Variants in ZNF726 observed in about 807,000 individuals in gnomAD.
The protein encoded by ZNF726 is zinc finger protein 92 pseudogene 3.
Under a neutral mutation model 11.6 loss-of-function variants are expected in ZNF726, and 15 were observed. The observed-to-expected ratio is 1.29, with a 90% confidence interval of 0.86 to 1.99. The LOEUF (loss-of-function observed/expected upper bound fraction) is 1.99. Ranked by LOEUF, ZNF726 falls within the 30% of genes most tolerant of loss-of-function variation. The pLI is 0.00. For missense variants in ZNF726, 890 were observed against 725.6 expected (o/e 1.23, Z -2.60); for synonymous variants, 295 against 243.6 (o/e 1.21, Z -1.96).
At chr19:23,935,001 ACACCATAG>A (rs1968203638), downstream of ZNF726, among the ~76,000 whole-genome samples, 1 of 152,246 alleles carries the variant, frequency 6.6e-6, no homozygotes, top group Non-Finnish European at 1.5e-5. Context: ...GGAATTTCAG[ACACCATAG>A]CATGGGTGAG....
At position 23,920,064 on chromosome 19, in the gene ZNF726, A is replaced by G. The variant is rs1967804594; in HGVS notation, c.208A>G (p.Met70Val). ...KEPWNMKRDE[M>V]VDEPPGICPH... ...GCCCTGGAATATGAAGCGAGATGAGATGGTGGATGAACCCCCAGGTAGGTG... is the reference window on the plus strand; with the variant it reads ...GCCCTGGAATATGAAGCGAGATGAGGTGGTGGATGAACCCCCAGGTAGGTG... Residue 70 changes from methionine (M) to valine (V), a missense_variant, in exon 3 of 4, where the codon ATG becomes GTG. Transcript: ENST00000594466. 1.3e-6 allele frequency: 2 copies of G among 1,584,658 alleles called. No homozygotes were observed. Among genetic ancestry groups the G allele is most frequent in the Non-Finnish European group, 1.7e-6 (2 of 1,162,706 alleles).
chr19:23,937,773 C>T (rs1302627016), downstream of ZNF726, among the ~76,000 whole-genome samples: 1 of 152,206 alleles, frequency 6.6e-6, no homozygotes, highest in Non-Finnish European at 1.5e-5. Flanking sequence ...AATCTCGGCA[C>T]TTTGGGAGGC....
rs1437274490 is a variant in ZNF726, at chr19:23,918,059, G to A, written c.4-1314G>A. On this transcript the variant is annotated intron_variant, in intron 1 of 3. Coordinates refer to ENST00000594466, the MANE Select transcript of ZNF726 (RefSeq NM_001244038.2). ...GCTAACTTGAAAAGTGCAGGAATGC[G>A]GTTATACCTGTGGCAAGGCAGGAAG... Among the ~76,000 whole-genome samples, 4 of 152,114 alleles carry A rather than the reference G, an allele frequency of 2.6e-5. No homozygotes were observed. In the East Asian group the frequency reaches 5.8e-4, roughly 22 times the overall value.
Position 23,933,612 on chromosome 19 carries a change from A to G in ZNF726, c.1496A>G (p.His499Arg). ...AGCCAGTCCTCAACCCTTACTGCAC[A>G]TAAGATAATTCATACTGGAGAGAAA... is the stretch of plus-strand genomic sequence containing the variant. ...AFSQSSTLTAHKIIHTGEKPY... is the reference protein window; with the variant it reads ...AFSQSSTLTARKIIHTGEKPY... Residue 499 changes from histidine to arginine, a missense_variant, in exon 4 of 4, where the codon CAT (histidine) becomes CGT (arginine). Physicochemically the swap from His to Arg is conservative, Grantham distance 29. Coordinates refer to ENST00000594466, the MANE Select transcript of ZNF726 (RefSeq NM_001244038.2). 1.2e-6 allele frequency: 2 copies of G among 1,611,974 alleles called. No homozygotes were observed. The highest frequency in any genetic ancestry group is 1.7e-6 in the Non-Finnish European group (2 of 1,179,304).
At chr19:23,917,735 T>C (rs551608922) in intron 1 of ZNF726, among the ~76,000 whole-genome samples, 3 of 152,360 alleles carry the variant, frequency 2.0e-5, no homozygotes, top group Admixed American at 2.0e-4. Flanking sequence ...TACATAGTTT[T>C]GCTTTTCTTA....
At chr19:23,916,833 C>T (rs1390310253) in intron 1 of ZNF726, among the ~76,000 whole-genome samples, 5 of 150,784 alleles carry the variant, frequency 3.3e-5, no homozygotes, top group Non-Finnish European at 5.9e-5. Context: ...CATAGGGTGA[C>T]GTATCTTCAG....
chr19:23,939,506 A>T (rs549975163), intron 3 of ZNF726, among the ~76,000 whole-genome samples: 2 of 152,234 alleles, frequency 1.3e-5, no homozygotes, highest in Non-Finnish European at 2.9e-5. Flanking sequence ...CTATATTTCA[A>T]ATAATGACTT....
At chr19:23,915,654 C>T (rs1366625756) in intron 1 of ZNF726, among the ~76,000 whole-genome samples, 1 of 151,862 alleles carries the variant, frequency 6.6e-6, no homozygotes, top group Non-Finnish European at 1.5e-5. Context: ...GATCTCGGCT[C>T]ACTGCAACCT....
At chr19:23,923,368 AT>A in intron 3 of ZNF726, 1 of 396,412 alleles carries the variant, frequency 2.5e-6, no homozygotes, top group Non-Finnish European at 4.9e-6. Flanking sequence ...ATTGTACTGC[AT>A]TTTCTCTGAA....
chr19:23,940,488 T>C (rs1365979904), intron 3 of ZNF726, among the ~76,000 whole-genome samples: 1 of 152,092 alleles, frequency 6.6e-6, no homozygotes, highest in African/African-American at 2.4e-5. Context: ...ATGTGGGCTC[T>C]ATATGAATGT....
chr19:23,933,123 G>A lies in ZNF726; in HGVS notation c.1007G>A (p.Ser336Asn). The A allele has an allele frequency of 6.2e-7, 1 of 1,609,716 alleles. No individual in the cohort carries two copies. Among genetic ancestry groups the A allele is most frequent in the Non-Finnish European group, 8.5e-7 (1 of 1,179,394 alleles). Residue 336 changes from serine (S) to asparagine (N), a missense_variant, in exon 4 of 4, where the codon AGT becomes AAT. Transcript: ENST00000594466. Reference protein sequence around the residue: ...STLTRHKRLHSGEKPYKCEEC... With the variant: ...STLTRHKRLHNGEKPYKCEEC... ...CTAACTAGACATAAGAGGCTGCACAGTGGAGAGAAACCCTACAAATGTGAA... is the reference window on the plus strand; with the variant it reads ...CTAACTAGACATAAGAGGCTGCACAATGGAGAGAAACCCTACAAATGTGAA...
At chr19:23,937,751 G>A (rs1257099617), downstream of ZNF726, among the ~76,000 whole-genome samples, 2 of 152,190 alleles carry the variant, frequency 1.3e-5, no homozygotes, top group Non-Finnish European at 2.9e-5. Flanking sequence ...GTGGTGGCCG[G>A]GCAGAGGCTG....
rs747918023 is a variant in ZNF726, at chr19:23,933,806, C to T, written c.1690C>T (p.Pro564Ser). ...THKIIHTGEKPYKCEECGKAF... is the reference protein window; with the variant it reads ...THKIIHTGEKSYKCEECGKAF... ...TAAGATAATTCATACTGGAGAGAAACCTTACAAGTGTGAAGAATGTGGAAA... is the reference window on the plus strand; with the variant it reads ...TAAGATAATTCATACTGGAGAGAAATCTTACAAGTGTGAAGAATGTGGAAA... The change falls in exon 4 of 4, where the codon CCT becomes TCT. Residue 564 changes from proline to serine, a missense_variant. Physicochemically the swap from Pro to Ser is moderately conservative, Grantham distance 74. Coordinates refer to ENST00000594466, the MANE Select transcript of ZNF726 (RefSeq NM_001244038.2). 6 of 1,605,942 alleles carry T rather than the reference C, an allele frequency of 3.7e-6. No individual in the cohort carries two copies. In the African/African-American group the frequency reaches 4.0e-5, roughly 11 times the overall value.
chr19:23,932,570 A>G lies in ZNF726; in HGVS notation c.454A>G (p.Lys152Glu), dbSNP rs74494309. The G allele has an allele frequency of 2.9e-4, 462 of 1,572,694 alleles. 3 individuals are homozygous for G. In the East Asian group the frequency reaches 8.3e-3, roughly 28 times the overall value. Residue 152 changes from lysine (K) to glutamate (E), a missense_variant, in exon 4 of 4, where the codon AAA becomes GAA. Lys to Glu is a moderately conservative substitution (Grantham distance 56). Transcript: ENST00000594466. The part of the protein sequence containing the change: ...GKASQCGKYL[K>E]VFYKFINLNR... The stretch of plus-strand genomic sequence containing the variant: ...AGCTTCTCAATGTGGTAAATATTTG[A>G]AAGTCTTTTATAAATTTATAAATTT...
intron 3 of ZNF726, chr19:23,929,035 T>G (rs1344045913): frequency 1.3e-5 from 2 of 152,028 alleles, no homozygotes; most frequent in African/African-American, 2.4e-5. Context: ...TGAGATCCAG[T>G]GATCAGCCCA....
At position 23,934,411 on chromosome 19, in the gene ZNF726, C is replaced by G; in HGVS notation, c.*444C>G. 1 of 481,032 alleles carries G rather than the reference C, an allele frequency of 2.1e-6. No individual in the cohort carries two copies. Among genetic ancestry groups the G allele is most frequent in the South Asian group, 1.6e-5 (1 of 63,786 alleles). 29.8% of individuals were successfully genotyped at this position (481,032 alleles called of 1,614,324 possible). A position where few individuals can be genotyped will look rare whatever the true frequency, so the allele number is the denominator to read the frequency against. ...ACAAATGTGAAAAATGTGTCAAAGC[C>G]TTTAAGCAGTCTTCAATCCTGAGTA... On this transcript the variant is annotated 3_prime_UTR_variant, in exon 4 of 4. Transcript: ENST00000594466.
At chr19:23,926,438 C>T (rs528237678) in intron 3 of ZNF726, among the ~76,000 whole-genome samples, 1 of 151,978 alleles carries the variant, frequency 6.6e-6, no homozygotes, top group East Asian at 1.9e-4. Context: ...ATGTTAATCC[C>T]AGCAACTCAG....
intron 3 of ZNF726, among the ~76,000 whole-genome samples, chr19:23,922,125 T>C (rs907283406): frequency 2.0e-5 from 3 of 152,222 alleles, no homozygotes; most frequent in African/African-American, 7.2e-5. Flanking sequence ...CTTTTAGTTG[T>C]CTTGTTAAAC....
intron 1 of ZNF726, among the ~76,000 whole-genome samples, chr19:23,917,420 G>A (rs1353126929): frequency 6.6e-6 from 1 of 151,776 alleles, no homozygotes; most frequent in Admixed American, 6.6e-5. Flanking sequence ...TCTCAGGCAT[G>A]TGCTTTTATG....
Sources: gnomAD v4.1 joint callset for allele counts (sites outside exome capture counted in the v4.1 genomes callset) on GRCh38, gnomAD v4.1.1 for gene constraint, MANE v1.5 for transcripts, NCBI Gene and HGNC (gene_info 2026-07-23, HGNC 2026-07-21) for gene names.